The following ENPP3 variants were observed in gnomAD, a reference collection of about 807,000 sequenced individuals.
ENPP3 encodes ectonucleotide pyrophosphatase/phosphodiesterase family member 3.
Under a neutral mutation model 117.8 loss-of-function variants are expected in ENPP3, and 104 were observed. The observed-to-expected ratio is 0.88, with a 90% CI of 0.75 to 1.04. ENPP3 has a LOEUF of 1.04. Among genes scored for constraint, ENPP3 ranks in the 50% least tolerant of loss-of-function variants. The pLI, the probability that ENPP3 is intolerant of heterozygous loss-of-function variation, is 0.00. For synonymous variants in ENPP3, 380 were observed against 349.9 expected (o/e 1.09, Z -0.96); for missense variants, 1,026 against 1,051.9 (o/e 0.98, Z 0.34).
chr6:131,638,188 T>C (rs896900830), intron 1 of ENPP3, among the ~76,000 whole-genome samples: 3 of 152,142 alleles, frequency 2.0e-5, no homozygotes, highest in Admixed American at 6.6e-5. Flanking sequence ...TCAGTCCTCC[T>C]CGTCCTTCAT....
chr6:131,642,085 G>A (rs553700338), intron 2 of ENPP3, among the ~76,000 whole-genome samples: 16 of 152,032 alleles, frequency 1.1e-4, no homozygotes, highest in African/African-American at 1.7e-4. Context: ...GTGAGTTGCC[G>A]CGCCTGGCCC....
chr6:131,717,164 GT>G, intron 15 of ENPP3, among the ~76,000 whole-genome samples: 1 of 152,140 alleles, frequency 6.6e-6, no homozygotes, highest in Non-Finnish European at 1.5e-5. Context: ...ACTGGGTAGA[GT>G]TGAGTGAGTG....
intron 15 of ENPP3, among the ~76,000 whole-genome samples, chr6:131,717,850 A>G (rs1426303417): frequency 2.0e-5 from 3 of 152,196 alleles, no homozygotes; most frequent in Admixed American, 6.5e-5. Context: ...TTATAATACT[A>G]TAGTTCTACT....
intron 1 of ENPP3, among the ~76,000 whole-genome samples, chr6:131,638,988 T>G (rs1330843959): frequency 1.3e-5 from 2 of 151,970 alleles, no homozygotes; most frequent in Non-Finnish European, 2.9e-5. Flanking sequence ...TCCTGACTCC[T>G]GACTCAGTAC....
intron 14 of ENPP3, among the ~76,000 whole-genome samples, chr6:131,690,206 A>G (rs1779246172): frequency 6.6e-6 from 1 of 152,216 alleles, no homozygotes; most frequent in Non-Finnish European, 1.5e-5. Context: ...ATTTTGAAAG[A>G]AGTTCTACTG....
intron 5 of ENPP3, among the ~76,000 whole-genome samples, chr6:131,654,211 G>A (rs1778331458): frequency 6.6e-6 from 1 of 151,742 alleles, no homozygotes; most frequent in South Asian, 2.1e-4. Flanking sequence ...ATAGCTCACT[G>A]CAGCCTCAAA....
At chr6:131,660,678 G>A (rs1184470467) in intron 6 of ENPP3, among the ~76,000 whole-genome samples, 1 of 152,158 alleles carries the variant, frequency 6.6e-6, no homozygotes, top group Admixed American at 6.6e-5. Flanking sequence ...GAACAGCAGA[G>A]CTCTTATACT....
chr6:131,664,596 C>G (rs1476486428), intron 6 of ENPP3, among the ~76,000 whole-genome samples: 1 of 152,184 alleles, frequency 6.6e-6, no homozygotes. Context: ...TCACTCACCA[C>G]TCACTCACTG....
At position 131,671,281 on chromosome 6, in the gene ENPP3, C is replaced by T. The variant is rs199941630; in HGVS notation, c.596C>T (p.Ala199Val). ...TCGIHSKYMRAMYPTKTFPNH... is the reference protein window; with the variant it reads ...TCGIHSKYMRVMYPTKTFPNH... ...GGAATTCATTCAAAATACATGAGAGCTATGTATCCTACCAAAACCTTCCCA... is the reference window on the plus strand; with the variant it reads ...GGAATTCATTCAAAATACATGAGAGTTATGTATCCTACCAAAACCTTCCCA... The change falls in exon 7 of 25, where the codon GCT (alanine) becomes GTT (valine). Residue 199 changes from alanine to valine, a missense_variant. Physicochemically the swap from Ala to Val is moderately conservative, Grantham distance 64. Coordinates refer to ENST00000357639, the MANE Select transcript of ENPP3 (RefSeq NM_005021.5). 16 of 1,604,654 alleles carry T rather than the reference C, an allele frequency of 1.0e-5. No individual in the cohort carries two copies. Among genetic ancestry groups the T allele is most frequent in the Non-Finnish European group, 1.4e-5 (16 of 1,171,436 alleles).
chr6:131,745,760 A>G (rs1335292493), intron 24 of ENPP3, among the ~76,000 whole-genome samples: 1 of 152,170 alleles, frequency 6.6e-6, no homozygotes, highest in African/African-American at 2.4e-5. Context: ...TTCACTGCCT[A>G]TAGAACTGTA....
intron 14 of ENPP3, among the ~76,000 whole-genome samples, chr6:131,687,968 T>G (rs1779189790): frequency 6.6e-6 from 1 of 152,156 alleles, no homozygotes; most frequent in Non-Finnish European, 1.5e-5. Flanking sequence ...TGTTGCATTT[T>G]TTTACCAATT....
At chr6:131,727,113 C>T (rs1455808280) in intron 20 of ENPP3, among the ~76,000 whole-genome samples, 2 of 152,032 alleles carry the variant, frequency 1.3e-5, no homozygotes, top group Admixed American at 6.5e-5. Flanking sequence ...TATGAGTATC[C>T]AGAACAGTAA....
intron 11 of ENPP3, among the ~76,000 whole-genome samples, chr6:131,681,591 A>G (rs746517134): frequency 1.2e-4 from 19 of 152,204 alleles, no homozygotes; most frequent in Non-Finnish European, 2.5e-4. Flanking sequence ...CATAAAGTGT[A>G]GAAAATTAAA....
intron 15 of ENPP3, among the ~76,000 whole-genome samples, chr6:131,703,199 G>A (rs1290633241): frequency 1.5e-5 from 2 of 134,790 alleles, no homozygotes; most frequent in Non-Finnish European, 1.5e-5. Flanking sequence ...TGGAACCCAG[G>A]CATTTGAAAC....
At position 131,650,224 on chromosome 6, in the gene ENPP3, C is replaced by T; in HGVS notation, c.277+75C>T. ...AATACATGTCAAATTTTTTTCTTTT[C>T]TTTCCTTTTTTTTGAGACAGAGTGT... is the stretch of plus-strand genomic sequence containing the variant. On this transcript the variant is annotated intron_variant, in intron 3 of 24. Coordinates refer to ENST00000357639, the MANE Select transcript of ENPP3 (RefSeq NM_005021.5). 3 of 1,551,094 alleles carry T rather than the reference C, an allele frequency of 1.9e-6. No individual in the cohort carries two copies. In the South Asian group the frequency reaches 3.4e-5, roughly 18 times the overall value.
Position 131,674,138 on chromosome 6 carries a change from T to A in ENPP3, c.643-24T>A, listed in dbSNP as rs937775436. The A allele has an allele frequency of 2.1e-6, 3 of 1,410,222 alleles. No individual in the cohort carries two copies. In the African/African-American group the frequency reaches 4.4e-5, roughly 21 times the overall value. The allele number at this position is 1,410,222 out of a possible 1,614,324, so 87.4% of individuals were successfully genotyped here. ...TATTTTACTAATATTTTATCTTACA[T>A]CTTTTTTGAAATTATCATTTTAGGG... On this transcript the variant is annotated intron_variant, in intron 7 of 24. Transcript: ENST00000357639.
intron 14 of ENPP3, among the ~76,000 whole-genome samples, chr6:131,687,947 T>C (rs1779189294): frequency 6.6e-6 from 1 of 151,746 alleles, no homozygotes; most frequent in African/African-American, 2.4e-5. Flanking sequence ...CACTGCATTG[T>C]GCTTTCTAGA....
intron 20 of ENPP3, among the ~76,000 whole-genome samples, chr6:131,726,526 A>T (rs1416901361): frequency 2.0e-5 from 3 of 152,238 alleles, no homozygotes; most frequent in African/African-American, 7.2e-5. Context: ...TTCCCCATGT[A>T]CATCATGGGT....
intron 6 of ENPP3, among the ~76,000 whole-genome samples, chr6:131,668,206 GTTTT>G (rs557047103): frequency 4.3e-3 from 301 of 69,918 alleles, no homozygotes; most frequent in African/African-American, 0.016. Context: ...CTCGCTCTGC[GTTTT>G]TTTTTTTTTT....
Sources: gnomAD v4.1 joint callset for allele counts (sites outside exome capture counted in the v4.1 genomes callset) on GRCh38, gnomAD v4.1.1 for gene constraint, MANE v1.5 for transcripts, NCBI Gene and HGNC (gene_info 2026-07-23, HGNC 2026-07-21) for gene names.